Variants in ROBO1 observed in about 807,000 individuals in gnomAD.
ROBO1 encodes the protein roundabout guidance receptor 1.
In ROBO1, 149 loss-of-function variants were observed where a neutral mutation model predicts 195.9. That is an observed-to-expected ratio of 0.76 (90% CI 0.67 to 0.87). The LOEUF is 0.87. Among genes scored for constraint, ROBO1 ranks in the 40% least tolerant of loss-of-function variants. ROBO1 has a pLI of 0.00. For missense variants in ROBO1, 1,933 were observed against 2,068.3 expected, an observed-to-expected ratio of 0.93 and a Z score of 1.27; for synonymous variants, 816 against 733.2, an observed-to-expected ratio of 1.11 and a Z score of -1.82.
At chr3:79,042,472 C>A (rs888700619) in intron 3 of ROBO1, among the ~76,000 whole-genome samples, 2 of 151,998 alleles carry the variant, frequency 1.3e-5, no homozygotes, top group African/African-American at 4.8e-5. Context: ...GCGCAAAAAC[C>A]CTGGTTCCTT....
Position 78,614,123 on chromosome 3 carries a change from C to T in ROBO1, c.4435+525G>A, listed in dbSNP as rs145440531. Among the ~76,000 whole-genome samples, 542 of 152,252 alleles carry T rather than the reference C, an allele frequency of 3.6e-3. 8 individuals carry two copies. Among genetic ancestry groups the T allele is most frequent in the African/African-American group, 0.011 (458 of 41,542 alleles). On this transcript the variant is annotated intron_variant, in intron 28 of 30. Transcript: ENST00000464233. Reference sequence around the variant, plus strand: ...TCCTGTGCTCCCTCGAGAATATGAACGTTACCTCTTCAGTGAGAGTGGATA... The same window carrying T: ...TCCTGTGCTCCCTCGAGAATATGAATGTTACCTCTTCAGTGAGAGTGGATA...
intron 2 of ROBO1, among the ~76,000 whole-genome samples, chr3:79,522,551 T>G (rs1157385398): frequency 6.6e-6 from 1 of 152,166 alleles, no homozygotes; most frequent in Admixed American, 6.6e-5. Flanking sequence ...TTTGTGCATT[T>G]CCATCCACCC....
chr3:78,853,699 T>G (rs1331646504), intron 4 of ROBO1, among the ~76,000 whole-genome samples: 1 of 152,084 alleles, frequency 6.6e-6, no homozygotes, highest in Non-Finnish European at 1.5e-5. Context: ...TTAGTCCATT[T>G]TCACGCTGCT....
At chr3:79,562,150 A>G (rs1468772318) in intron 2 of ROBO1, among the ~76,000 whole-genome samples, 3 of 152,114 alleles carry the variant, frequency 2.0e-5, no homozygotes, top group African/African-American at 7.2e-5. Flanking sequence ...TTCAGAGTTC[A>G]AAATGTTCTG....
chr3:78,873,251 C>T (rs562759162), intron 4 of ROBO1, among the ~76,000 whole-genome samples: 1 of 152,258 alleles, frequency 6.6e-6, no homozygotes, highest in African/African-American at 2.4e-5. Context: ...TCCAAGGGAA[C>T]TCAGGTAGTT....
chr3:79,580,367 G>A (rs932933524), intron 2 of ROBO1, among the ~76,000 whole-genome samples: 1 of 151,962 alleles, frequency 6.6e-6, no homozygotes, highest in East Asian at 2.0e-4. Flanking sequence ...TCAGCTATTC[G>A]GGAGGCGGAG....
At chr3:79,149,856 G>A (rs919303723) in intron 2 of ROBO1, among the ~76,000 whole-genome samples, 1 of 151,894 alleles carries the variant, frequency 6.6e-6, no homozygotes, top group South Asian at 2.1e-4. Flanking sequence ...TTATAAAAGA[G>A]TTACTCCTGA....
At chr3:79,151,648 A>T (rs2108639736) in intron 2 of ROBO1, among the ~76,000 whole-genome samples, 1 of 151,948 alleles carries the variant, frequency 6.6e-6, no homozygotes, top group East Asian at 1.9e-4. Flanking sequence ...TATTGAGAAT[A>T]AAATGAAATT....
rs2080825431 is a variant in ROBO1, at chr3:79,154,498, G to A, written c.89-28959C>T. Among the ~76,000 whole-genome samples, 2 of 151,684 alleles carry A rather than the reference G, an allele frequency of 1.3e-5. 1 individual carries two copies. Among genetic ancestry groups the A allele is most frequent in the Admixed American group, 1.3e-4 (2 of 15,202 alleles). On this transcript the variant is annotated intron_variant, in intron 2 of 30. Coordinates refer to ENST00000464233, the MANE Select transcript of ROBO1 (RefSeq NM_002941.4). Reference sequence around the variant, plus strand: ...TCAGTCAACATAGTCACTTGAGACTGATCAAAGTCTAAAGTATGGCATGAA... The same window carrying A: ...TCAGTCAACATAGTCACTTGAGACTAATCAAAGTCTAAAGTATGGCATGAA...
intron 3 of ROBO1, among the ~76,000 whole-genome samples, chr3:78,947,570 A>G (rs552992619): frequency 6.6e-6 from 1 of 152,344 alleles, no homozygotes; most frequent in Admixed American, 6.5e-5. Flanking sequence ...AAGGAAAAGT[A>G]GGAAAGATCT....
chr3:79,173,352 G>A (rs1258130980), intron 2 of ROBO1, among the ~76,000 whole-genome samples: 1 of 152,140 alleles, frequency 6.6e-6, no homozygotes, highest in Non-Finnish European at 1.5e-5. Flanking sequence ...AGGCGCGAGT[G>A]GGAACCAGGG....
chr3:78,832,070 G>C (rs7610996), intron 4 of ROBO1, among the ~76,000 whole-genome samples: 40,301 of 151,940 alleles, frequency 0.27, 5,521 homozygotes, highest in Non-Finnish European at 0.28. Context: ...TTAACACTTA[G>C]TAATGCACAC....
intron 2 of ROBO1, among the ~76,000 whole-genome samples, chr3:79,318,762 ATATAGT>A (rs2033848001): frequency 6.6e-6 from 1 of 152,312 alleles, no homozygotes; most frequent in African/African-American, 2.4e-5. Context: ...ACACAAATGT[ATATAGT>A]TATAAAGTCC....
intron 1 of ROBO1, among the ~76,000 whole-genome samples, chr3:79,633,209 C>T (rs1388553800): frequency 1.4e-5 from 2 of 146,334 alleles, no homozygotes; most frequent in Admixed American, 6.9e-5. Flanking sequence ...AAGGGTCTCA[C>T]TCTGTCATCT....
At chr3:79,087,441 A>G (rs1014028219) in intron 3 of ROBO1, among the ~76,000 whole-genome samples, 3 of 151,902 alleles carry the variant, frequency 2.0e-5, no homozygotes, top group African/African-American at 7.3e-5. Context: ...CTCCTAACCA[A>G]TTTTTCTTTC....
At chr3:78,940,162 G>A (rs1451464529) in intron 3 of ROBO1, among the ~76,000 whole-genome samples, 1 of 152,098 alleles carries the variant, frequency 6.6e-6, no homozygotes, top group Non-Finnish European at 1.5e-5. Context: ...AGGCAAATTA[G>A]AAACCAGTCT....
At chr3:79,246,246 T>A (rs1037461190) in intron 2 of ROBO1, among the ~76,000 whole-genome samples, 2 of 152,136 alleles carry the variant, frequency 1.3e-5, no homozygotes, top group Admixed American at 1.3e-4. Flanking sequence ...ATGTATACCA[T>A]GTCTTTTAAT....
chr3:78,712,017 CAAA>C (rs56267632), intron 8 of ROBO1, among the ~76,000 whole-genome samples: 42,128 of 77,182 alleles, frequency 0.55, 8,382 homozygotes, highest in Admixed American at 0.61. Flanking sequence ...AAGACCTTGG[CAAA>C]AAAAAAAAAA....
rs563848695 is a variant in ROBO1 at position 79,674,734 on chromosome 3, GA to G, written c.-50-84774del. The stretch of plus-strand genomic sequence containing the variant: ...CTATATTATTTATGCAAGGATTTAT[GA>G]AAGAGAAACTTTTGCATTTCATTCT... On this transcript the variant is annotated intron_variant, in intron 1 of 30. Coordinates refer to ENST00000464233, the MANE Select transcript of ROBO1 (RefSeq NM_002941.4). Among the ~76,000 whole-genome samples, 19 of 151,684 alleles carry G rather than the reference GA, an allele frequency of 1.3e-4. No homozygotes were observed. In the South Asian group the frequency reaches 1.5e-3, roughly 12 times the overall value.
Sources: allele counts gnomAD v4.1 joint callset (sites outside exome capture counted in the v4.1 genomes callset), GRCh38; gene constraint gnomAD v4.1.1; transcripts MANE v1.5; gene names NCBI Gene and HGNC (gene_info 2026-07-23, HGNC 2026-07-21).